The following RBFOX1 variants were observed in gnomAD, a reference collection of about 807,000 sequenced individuals.
RBFOX1 encodes the protein RNA binding fox-1 homolog 1.
A neutral mutation model predicts 57.7 loss-of-function variants in RBFOX1; 8 were observed. That is an observed-to-expected ratio of 0.14 (90% CI 0.08 to 0.25). The LOEUF (loss-of-function observed/expected upper bound fraction) is 0.25. RBFOX1 is among the 10% of genes least tolerant of loss of function. The pLI is 1.00. For missense variants in RBFOX1, 611 were observed against 548.5 expected (o/e 1.11, Z -1.14); for synonymous variants, 326 against 222.4 (o/e 1.47, Z -4.15).
chr16:7,243,848 C>T (rs2141897), intron 4 of RBFOX1, among the ~76,000 whole-genome samples: 93,955 of 151,978 alleles, frequency 0.62, 30,103 homozygotes, highest in African/African-American at 0.78. Context: ...CTGCATCCTA[C>T]CCCTTATTCT....
intron 4 of RBFOX1, among the ~76,000 whole-genome samples, chr16:7,303,637 TC>T (rs1031602869): frequency 2.6e-5 from 4 of 152,028 alleles, no homozygotes; most frequent in Non-Finnish European, 5.9e-5. Flanking sequence ...AAAAAATCTT[TC>T]CCCTGGACCC....
intron 3 of RBFOX1, among the ~76,000 whole-genome samples, chr16:7,028,298 G>C (rs1203657110): frequency 2.0e-5 from 3 of 152,096 alleles, no homozygotes; most frequent in African/African-American, 7.2e-5. Flanking sequence ...TTCATGCTCT[G>C]ACTTGGTATA....
intron 4 of RBFOX1, among the ~76,000 whole-genome samples, chr16:7,477,541 A>T (rs1244554816): frequency 6.6e-6 from 1 of 152,156 alleles, no homozygotes; most frequent in African/African-American, 2.4e-5. Flanking sequence ...CCCCAAAGAG[A>T]AAATGTACTA....
chr16:6,883,484 C>T (rs116873626), intron 3 of RBFOX1, among the ~76,000 whole-genome samples: 2 of 152,330 alleles, frequency 1.3e-5, no homozygotes, highest in East Asian at 3.9e-4. Flanking sequence ...CTCTTAGACA[C>T]CCATCTGCAA....
chr16:6,838,220 T>C (rs1321042460), intron 3 of RBFOX1, among the ~76,000 whole-genome samples: 1 of 152,080 alleles, frequency 6.6e-6, no homozygotes, highest in Non-Finnish European at 1.5e-5. Context: ...ATTGTTCCCT[T>C]CCCTGTGTCC....
chr16:7,382,606 A>G (rs2097798033), intron 4 of RBFOX1, among the ~76,000 whole-genome samples: 1 of 152,236 alleles, frequency 6.6e-6, no homozygotes, highest in Admixed American at 6.5e-5. Flanking sequence ...GAGACTGATT[A>G]ATGCGCAAGA....
intron 3 of RBFOX1, among the ~76,000 whole-genome samples, chr16:6,964,488 C>G (rs769418849): frequency 1.3e-5 from 2 of 152,130 alleles, no homozygotes; most frequent in Non-Finnish European, 2.9e-5. Context: ...TGGTTATCAA[C>G]TGTAACAAAT....
chr16:6,802,930 T>C (rs1436325692), intron 3 of RBFOX1, among the ~76,000 whole-genome samples: 1 of 152,196 alleles, frequency 6.6e-6, no homozygotes, highest in East Asian at 1.9e-4. Flanking sequence ...GGGTTAAATA[T>C]TTATTGAAGA....
intron 4 of RBFOX1, among the ~76,000 whole-genome samples, chr16:7,126,085 C>A (rs957026526): frequency 7.9e-5 from 12 of 152,076 alleles, no homozygotes; most frequent in African/African-American, 2.9e-4. Context: ...TCCATCTCCC[C>A]CCACCAAAAG....
chr16:6,374,518 G>A (rs2090915749), intron 2 of RBFOX1, among the ~76,000 whole-genome samples: 1 of 152,062 alleles, frequency 6.6e-6, no homozygotes, highest in African/African-American at 2.4e-5. Flanking sequence ...TCTATTATGT[G>A]TTCTAGTGTC....
intron 3 of RBFOX1, among the ~76,000 whole-genome samples, chr16:5,815,284 G>A (rs2055592816): frequency 1.3e-5 from 2 of 149,490 alleles, no homozygotes; most frequent in South Asian, 2.1e-4. Context: ...GTGAGCCATC[G>A]TGCCTGGCCT....
chr16:6,736,306 C>T (rs2070282851), intron 3 of RBFOX1, among the ~76,000 whole-genome samples: 1 of 152,058 alleles, frequency 6.6e-6, no homozygotes, highest in Non-Finnish European at 1.5e-5. Context: ...TTATCCCTCA[C>T]CCCTCTACTC....
At chr16:6,824,313 G>A (rs1485871716) in intron 3 of RBFOX1, among the ~76,000 whole-genome samples, 1 of 152,184 alleles carries the variant, frequency 6.6e-6, no homozygotes, top group African/African-American at 2.4e-5. Flanking sequence ...GGCTGCGGTA[G>A]GAGAGTCACT....
At chr16:6,299,810 G>A (rs188106883) in intron 1 of RBFOX1, among the ~76,000 whole-genome samples, 1 of 152,078 alleles carries the variant, frequency 6.6e-6, no homozygotes, top group Admixed American at 6.5e-5. Context: ...CAAGTCTGTC[G>A]GGGTTCAGTT....
At chr16:6,613,392 C>G (rs188742440) in intron 2 of RBFOX1, among the ~76,000 whole-genome samples, 1 of 152,144 alleles carries the variant, frequency 6.6e-6, no homozygotes, top group East Asian at 1.9e-4. Context: ...ATGCCTAGGA[C>G]AAAGCGGGGG....
At chr16:6,387,891 A>T (rs1452136314) in intron 2 of RBFOX1, among the ~76,000 whole-genome samples, 1 of 151,698 alleles carries the variant, frequency 6.6e-6, no homozygotes, top group Non-Finnish European at 1.5e-5. Context: ...GGCTCTGAGA[A>T]GCACTGTGTA....
At chr16:7,353,482 C>T (rs2097162915) in intron 4 of RBFOX1, among the ~76,000 whole-genome samples, 1 of 152,136 alleles carries the variant, frequency 6.6e-6, no homozygotes, top group Non-Finnish European at 1.5e-5. Flanking sequence ...TAATTAAAAA[C>T]ATATGTGTAC....
chr16:7,102,430 G>A (rs929718211), intron 4 of RBFOX1, among the ~76,000 whole-genome samples: 3 of 152,170 alleles, frequency 2.0e-5, no homozygotes, highest in South Asian at 4.2e-4. Context: ...AGATGTCTTC[G>A]CAGGATTTAA....
intron 1 of RBFOX1, among the ~76,000 whole-genome samples, chr16:5,434,317 C>CT (rs5815245): frequency 0.031 from 2,456 of 79,662 alleles, 115 homozygotes; most frequent in South Asian, 0.044. Context: ...TGCTGAAGTC[C>CT]TTTTTTTTTT....
Sources: allele counts gnomAD v4.1 joint callset (sites outside exome capture counted in the v4.1 genomes callset), GRCh38; gene constraint gnomAD v4.1.1; transcripts MANE v1.5; gene names NCBI Gene and HGNC (gene_info 2026-07-23, HGNC 2026-07-21).